ZC4H2: variants seen among roughly 807,000 people sequenced by gnomAD.
ZC4H2 encodes the protein zinc finger C4H2 domain-containing protein.
For missense variants in ZC4H2, 137 were observed against 173.9 expected (o/e 0.79, Z 1.19); for synonymous variants, 84 against 66.3 (o/e 1.27, Z -1.30).
At chrX:64,944,367 T>A (rs1930435909) in intron 1 of ZC4H2, among the ~76,000 whole-genome samples, 1 of 109,411 alleles carries the variant, frequency 9.1e-6, no homozygotes, top group Admixed American at 9.8e-5. Flanking sequence ...ATGGTCTCAA[T>A]CTCAAAATTT....
intron 1 of ZC4H2, among the ~76,000 whole-genome samples, chrX:64,945,701 G>A (rs1185306240): frequency 9.0e-6 from 1 of 111,588 alleles, no homozygotes; most frequent in South Asian, 3.8e-4. Context: ...TCTCCCAGGT[G>A]TTCTGTCCCA....
At chrX:64,976,492 G>C (rs1931955009), upstream of ZC4H2, 1 of 824,958 alleles carries the variant, frequency 1.2e-6, no homozygotes, top group Admixed American at 2.3e-5. Flanking sequence ...CTGTGCGGTA[G>C]GGGCTTGGAG....
intron 1 of ZC4H2, among the ~76,000 whole-genome samples, chrX:64,950,971 A>C (rs1448021198): frequency 9.1e-6 from 1 of 109,802 alleles, no homozygotes; most frequent in Non-Finnish European, 1.9e-5. Flanking sequence ...CCCACCCCAC[A>C]ACAGTCCCCA....
At chrX:64,933,295 C>A (rs1929839320) in intron 1 of ZC4H2, among the ~76,000 whole-genome samples, 1 of 110,694 alleles carries the variant, frequency 9.0e-6, no homozygotes, top group South Asian at 3.7e-4. Flanking sequence ...TGGTTTTCAC[C>A]TTTCTCTGTT....
At chrX:64,944,891 C>T (rs188432348) in intron 1 of ZC4H2, among the ~76,000 whole-genome samples, 1 of 112,510 alleles carries the variant, frequency 8.9e-6, no homozygotes, top group Non-Finnish European at 1.9e-5. Flanking sequence ...CTTGCGCATG[C>T]TTCATGAAGT....
chrX:64,995,661 T>C (rs1369613256), intron 1 of ZC4H2, among the ~76,000 whole-genome samples: 1 of 112,199 alleles, frequency 8.9e-6, no homozygotes, highest in Non-Finnish European at 1.9e-5. Flanking sequence ...CATCAGGCCT[T>C]AGGTACACTT....
intron 1 of ZC4H2, among the ~76,000 whole-genome samples, chrX:64,924,876 C>T (rs1240317207): frequency 1.8e-5 from 2 of 110,686 alleles, no homozygotes; most frequent in Non-Finnish European, 1.9e-5. Flanking sequence ...GAGAATGGGA[C>T]GAGTTGGGAC....
At chrX:64,996,412 T>C (rs1932415059) in intron 1 of ZC4H2, among the ~76,000 whole-genome samples, 1 of 108,099 alleles carries the variant, frequency 9.3e-6, no homozygotes, top group Non-Finnish European at 1.9e-5. Context: ...CATTATAATA[T>C]CCAAATGTCC....
chrX:64,981,493 G>C (rs1199784951), intron 1 of ZC4H2, among the ~76,000 whole-genome samples: 1 of 110,876 alleles, frequency 9.0e-6, no homozygotes. Flanking sequence ...GATATGATTA[G>C]CTCATGGATA....
At chrX:65,026,907 C>G (rs1452887095) in intron 1 of ZC4H2, among the ~76,000 whole-genome samples, 2 of 111,458 alleles carry the variant, frequency 1.8e-5, no homozygotes, top group African/African-American at 6.5e-5. Context: ...TTCTTTTTCC[C>G]CAGACCATAT....
rs778133859 is a variant in ZC4H2 at position 64,917,549 on chromosome X, G to A, written c.*234C>T. The A allele has an allele frequency of 2.3e-4, 87 of 383,801 alleles. No homozygotes were observed. The highest frequency in any genetic ancestry group is 3.5e-4 in the Non-Finnish European group (80 of 228,325). The allele number at this position is 383,801 out of a possible 1,213,427, so 31.6% of individuals were successfully genotyped here. ...AAGGGCAGGGGTTGAAATGTGAGTG[G>A]GAGAGAAGGGATCATCAGACACACT... On this transcript the variant is annotated 3_prime_UTR_variant, in exon 5 of 5. Transcript: ENST00000374839.
intron 1 of ZC4H2, among the ~76,000 whole-genome samples, chrX:64,932,756 T>C (rs186671201): frequency 9.0e-6 from 1 of 111,720 alleles, no homozygotes; most frequent in Non-Finnish European, 1.9e-5. Context: ...TTTTGCTTTA[T>C]AGGTTATCTT....
chrX:64,958,285 G>A (rs1286904496), intron 1 of ZC4H2, among the ~76,000 whole-genome samples: 1 of 111,799 alleles, frequency 8.9e-6, no homozygotes, highest in Non-Finnish European at 1.9e-5. Context: ...CTAGGTGATA[G>A]GAGTTTTTCA....
chrX:64,921,799 C>G lies in ZC4H2; in HGVS notation c.225+18G>C. ...CTTTCTCAAAGGCTTTAGAGATAGGCTCCAGGCAGCCACGTACCACATTGA... is the reference window on the plus strand; with the variant it reads ...CTTTCTCAAAGGCTTTAGAGATAGGGTCCAGGCAGCCACGTACCACATTGA... On this transcript the variant is annotated intron_variant, in intron 2 of 4. Transcript: ENST00000374839. 8.3e-7 allele frequency: 1 copy of G among 1,206,703 alleles called. No homozygotes were observed. The highest frequency in any genetic ancestry group is 1.8e-5 in the South Asian group (1 of 55,873).
At chrX:64,962,547 G>A (rs1376625481) in intron 1 of ZC4H2, among the ~76,000 whole-genome samples, 1 of 111,358 alleles carries the variant, frequency 9.0e-6, no homozygotes, top group East Asian at 2.8e-4. Context: ...CCTAACCAGA[G>A]CAATTAGACA....
chrX:64,917,921 AAGTT>A, intron 4 of ZC4H2, 25 bp from the exon 5 acceptor site: 1 of 1,191,458 alleles, frequency 8.4e-7, no homozygotes, highest in South Asian at 1.9e-5. Flanking sequence ...AGGAAAAAGA[AAGTT>A]AGTAGTCAGA....
intron 1 of ZC4H2, among the ~76,000 whole-genome samples, chrX:64,990,408 G>C (rs1932287048): frequency 9.0e-6 from 1 of 110,926 alleles, no homozygotes; most frequent in African/African-American, 3.3e-5. Context: ...GGCAATATGA[G>C]GGTTCCTTGT....
intron 1 of ZC4H2, among the ~76,000 whole-genome samples, chrX:64,986,777 C>A (rs1395195383): frequency 9.0e-6 from 1 of 110,766 alleles, no homozygotes; most frequent in Non-Finnish European, 1.9e-5. Flanking sequence ...ACCTGGACAG[C>A]AAATTGGGGC....
chrX:64,983,432 T>C lies in ZC4H2; in HGVS notation c.-272+51197A>G, dbSNP rs778064742. Among the ~76,000 whole-genome samples, 5 of 111,741 alleles carry C rather than the reference T, an allele frequency of 4.5e-5. No individual in the cohort carries two copies. The East Asian group carries it at 1.4e-3, about 31-fold the overall frequency. ...TCCCCTACCAGACAGGTTCCTATTA[T>C]CCTCTAAATCACAAGACTTGAAAAC... On this transcript the variant is annotated intron_variant, in intron 1 of 4. Transcript: ENST00000337990.
Sources: allele counts gnomAD v4.1 joint callset (sites outside exome capture counted in the v4.1 genomes callset), GRCh38; gene constraint gnomAD v4.1.1; transcripts MANE v1.5; gene names NCBI Gene and HGNC (gene_info 2026-07-23, HGNC 2026-07-21).